TMC2: variants seen among roughly 807,000 people sequenced by gnomAD.
TMC2 encodes transmembrane channel-like protein 2.
Under a neutral mutation model 105.9 loss-of-function variants are expected in TMC2, and 102 were observed. That is an observed-to-expected ratio of 0.96 (90% confidence interval 0.82 to 1.14). The LOEUF (loss-of-function observed/expected upper bound fraction) is 1.14, where lower values mean the gene tolerates loss of function less well. Ranked by LOEUF, TMC2 falls within the 50% of genes most tolerant of loss-of-function variation. The pLI is 0.00. For synonymous variants in TMC2, 402 were observed against 422.8 expected (o/e 0.95, Z 0.60); for missense variants, 1,093 against 1,134.3 (o/e 0.96, Z 0.52).
At chr20:2,584,412 C>A (rs2086217717) in intron 7 of TMC2, among the ~76,000 whole-genome samples, 1 of 145,498 alleles carries the variant, frequency 6.9e-6, no homozygotes, top group Non-Finnish European at 1.5e-5. Context: ...CCACTGCACT[C>A]CAGCCTGGGC....
rs202171256 is a variant in TMC2, at chr20:2,602,248, C to T, written c.1360C>T (p.Arg454Ter). Residue 454 changes from arginine to a stop codon, truncating the protein, a stop_gained, in exon 11 of 20, where the codon CGA (arginine) becomes TGA (stop). Transcript: ENST00000358864. LOFTEE classifies it high-confidence loss of function. ...SGYLIYFVVKRSQQFSKMQNV... is the reference protein window; with the variant it reads ...SGYLIYFVVK ...GTACCTCATTTACTTTGTGGTTAAGCGATCTCAGCAATTCTCCAAAATGCA... is the reference window on the plus strand; with the variant it reads ...GTACCTCATTTACTTTGTGGTTAAGTGATCTCAGCAATTCTCCAAAATGCA... The T allele has an allele frequency of 3.2e-5, 51 of 1,610,980 alleles. No individual in the cohort carries two copies. The highest frequency in any genetic ancestry group is 2.2e-5 in the East Asian group (1 of 44,716).
rs762453623 is a variant in TMC2 at position 2,562,012 on chromosome 20, TGA to T, written c.554+4_554+5del. 1 of 1,613,270 alleles carries T rather than the reference TGA, an allele frequency of 6.2e-7. No homozygotes were observed. The highest frequency in any genetic ancestry group is 1.1e-5 in the South Asian group (1 of 90,974). On this transcript the variant is annotated splice_donor_region_variant and intron_variant, in intron 4 of 19. Transcript: ENST00000358864. ...GGCGAAGAAGCTGACAGAGCTCAGGTGAGCAGGCTGCGGGTCAGCCAGGGCCT... is the reference window on the plus strand; with the variant it reads ...GGCGAAGAAGCTGACAGAGCTCAGGTGCAGGCTGCGGGTCAGCCAGGGCCT...
At chr20:2,567,050 GC>G (rs769533545) in intron 4 of TMC2, among the ~76,000 whole-genome samples, 5 of 152,240 alleles carry the variant, frequency 3.3e-5, no homozygotes, top group Non-Finnish European at 7.3e-5. Flanking sequence ...AAAGCAAGGT[GC>G]CCCAATACCC....
intron 7 of TMC2, among the ~76,000 whole-genome samples, chr20:2,588,079 C>A (rs913798809): frequency 6.6e-6 from 1 of 150,424 alleles, no homozygotes; most frequent in Non-Finnish European, 1.5e-5. Context: ...TTTGAGTGAG[C>A]CTAATTTAAT....
In TMC2 at chr20:2,579,955, T is replaced by A. The variant is rs765699997; in HGVS notation, c.733T>A (p.Phe245Ile). 6.2e-7 allele frequency: 1 copy of A among 1,613,096 alleles called. No individual in the cohort carries two copies. The highest frequency in any genetic ancestry group is 1.1e-5 in the South Asian group (1 of 91,064). The change falls in exon 7 of 20, where the codon TTT becomes ATT. Residue 245 changes from phenylalanine (F) to isoleucine (I), a missense_variant. By Grantham distance (21) the Phe-to-Ile change is conservative (BLOSUM62 0). Transcript: ENST00000358864. The stretch of plus-strand genomic sequence containing the variant: ...ACCGTCTTTTCTCTCTCTAGGTCAC[T>A]TTGGTTCTTCAGTGGCATCGTATTT... Reference protein sequence around the residue: ...EMKIKDIESHFGSSVASYFIF... With the variant: ...EMKIKDIESHIGSSVASYFIF...
chr20:2,622,523 C>A (rs1247385695), intron 16 of TMC2, among the ~76,000 whole-genome samples: 1 of 152,016 alleles, frequency 6.6e-6, no homozygotes, highest in African/African-American at 2.4e-5. Flanking sequence ...CAAAAATTAG[C>A]CGGGCGTAGT....
rs762668307 is a variant in TMC2 at position 2,637,585 on chromosome 20, A to G, written c.2497A>G (p.Lys833Glu). Residue 833 changes from lysine (K) to glutamate (E), a missense_variant, in exon 19 of 20, where the codon AAG (lysine) becomes GAG (glutamate). Transcript: ENST00000358864. ...AAATGCCACCCAGCTCCAACTCACC[A>G]AGGAAGGTAAGCTCTTTGTCATAAT... ...SKNATQLQLT[K>E]EETTPPSASQ... 11 of 1,606,924 alleles carry G rather than the reference A, an allele frequency of 6.8e-6. No homozygotes were observed. The highest frequency in any genetic ancestry group is 9.4e-6 in the Non-Finnish European group (11 of 1,173,574).
intron 2 of TMC2, among the ~76,000 whole-genome samples, chr20:2,541,247 C>G (rs2085888022): frequency 1.3e-5 from 2 of 152,140 alleles, no homozygotes; most frequent in South Asian, 4.1e-4. Flanking sequence ...TATTCTATTA[C>G]TGAATATTTA....
chr20:2,539,990 C>CTTTTTTTTTTTTTTTTTTT, intron 2 of TMC2, among the ~76,000 whole-genome samples: 1 of 115,118 alleles, frequency 8.7e-6, no homozygotes, highest in Non-Finnish European at 1.7e-5. Flanking sequence ...CTTTTCTTTT[C>CTTTTTTTTTTTTTTTTTTT]TTTTTTTTTT....
rs769194168 is a variant in TMC2 at position 2,555,071 on chromosome 20, G to GT, written c.83-3378dup. The stretch of plus-strand genomic sequence containing the variant: ...GTGAATTGGTCTATTTCTCCTTGCA[G>GT]TTTTTTTATGTTTTTGTTTTGTTTT... On this transcript the variant is annotated intron_variant, in intron 2 of 19. Transcript: ENST00000358864. Among the ~76,000 whole-genome samples the GT allele has an allele frequency of 7.5e-3, 1,136 of 151,848 alleles. 9 individuals are homozygous for GT. Among genetic ancestry groups the GT allele is most frequent in the Middle Eastern group, 0.014 (4 of 294 alleles).
intron 14 of TMC2, among the ~76,000 whole-genome samples, chr20:2,614,682 G>C (rs1017658279): frequency 1.3e-5 from 2 of 152,016 alleles, no homozygotes; most frequent in Non-Finnish European, 2.9e-5. Context: ...ACTGGTACTA[G>C]AAAATAGACC....
chr20:2,600,716 T>C (rs1056694574), intron 10 of TMC2, among the ~76,000 whole-genome samples: 4 of 151,648 alleles, frequency 2.6e-5, no homozygotes, highest in Admixed American at 2.0e-4. Flanking sequence ...TCCAGCTACT[T>C]GGGAGGCTGA....
At chr20:2,638,748 A>C (rs1427267067) in intron 19 of TMC2, among the ~76,000 whole-genome samples, 2 of 152,248 alleles carry the variant, frequency 1.3e-5, no homozygotes, top group Non-Finnish European at 2.9e-5. Context: ...AAAAATTCTT[A>C]AAAACAGAAA....
At chr20:2,559,112 G>T (rs1392071395) in intron 3 of TMC2, among the ~76,000 whole-genome samples, 1 of 152,174 alleles carries the variant, frequency 6.6e-6, no homozygotes, top group African/African-American at 2.4e-5. Flanking sequence ...ACGATCCCGC[G>T]TCCCCTGAAC....
intron 16 of TMC2, chr20:2,617,599 T>C (rs928634907): frequency 6.8e-6 from 3 of 442,682 alleles, no homozygotes; most frequent in African/African-American, 5.9e-5. Flanking sequence ...ATTTATTTAT[T>C]AATTTTTAAC....
At chr20:2,550,047 G>A (rs1471799416) in intron 2 of TMC2, among the ~76,000 whole-genome samples, 1 of 151,994 alleles carries the variant, frequency 6.6e-6, no homozygotes, top group Non-Finnish European at 1.5e-5. Flanking sequence ...GTTGGGCATA[G>A]TGGTGCGCAC....
chr20:2,624,182 C>T (rs938877967), intron 16 of TMC2, 89 bp from the exon 17 acceptor site: 1 of 1,426,756 alleles, frequency 7.0e-7, no homozygotes, highest in Non-Finnish European at 9.5e-7. Flanking sequence ...AGGCAGCAGC[C>T]CTGGACCTGG....
At chr20:2,537,580 A>G (rs1187442437) in intron 2 of TMC2, among the ~76,000 whole-genome samples, 1 of 152,140 alleles carries the variant, frequency 6.6e-6, no homozygotes, top group Non-Finnish European at 1.5e-5. Context: ...GAAGCAGTGA[A>G]CATTCACCAG....
intron 11 of TMC2, among the ~76,000 whole-genome samples, chr20:2,604,716 G>A (rs971785261): frequency 6.6e-6 from 1 of 152,138 alleles, no homozygotes; most frequent in Non-Finnish European, 1.5e-5. Flanking sequence ...TCCAGGGAGG[G>A]GAGAGGGGCT....
Sources: allele counts gnomAD v4.1 joint callset (sites outside exome capture counted in the v4.1 genomes callset), GRCh38; gene constraint gnomAD v4.1.1; transcripts MANE v1.5; gene names NCBI Gene and HGNC (gene_info 2026-07-23, HGNC 2026-07-21).